RPS6KA3: variants seen among roughly 807,000 people sequenced by gnomAD.
RPS6KA3 encodes ribosomal protein S6 kinase alpha-3.
In RPS6KA3, 4 loss-of-function variants were observed where a neutral mutation model predicts 67.2. That is an observed-to-expected ratio of 0.06 (90% CI 0.03 to 0.14). The LOEUF (loss-of-function observed/expected upper bound fraction) is 0.14, where lower values mean the gene tolerates loss of function less well. Ranked by LOEUF, RPS6KA3 falls within the 10% of genes least tolerant of loss-of-function variation. The pLI is 1.00. For missense variants in RPS6KA3, 204 were observed against 559.0 expected (o/e 0.36, Z 6.40); for synonymous variants, 182 against 183.7 (o/e 0.99, Z 0.07).
chrX:20,228,992 A>G (rs949453537), intron 2 of RPS6KA3, among the ~76,000 whole-genome samples: 1 of 112,011 alleles, frequency 8.9e-6, no homozygotes, highest in African/African-American at 3.2e-5. Context: ...GTAGCAGAGT[A>G]CTTGGCACCT....
intron 1 of RPS6KA3, among the ~76,000 whole-genome samples, chrX:20,238,951 A>G (rs2069484397): frequency 8.9e-6 from 1 of 111,808 alleles, no homozygotes; most frequent in African/African-American, 3.2e-5. Context: ...TACATGGATT[A>G]TGAGTCTTAC....
At chrX:20,254,928 T>C (rs909829349) in intron 1 of RPS6KA3, among the ~76,000 whole-genome samples, 1 of 112,149 alleles carries the variant, frequency 8.9e-6, no homozygotes, top group Non-Finnish European at 1.9e-5. Flanking sequence ...AGTTTGGCAG[T>C]ACCTCAAAAA....
chrX:20,168,170 T>C (rs1421197237), intron 16 of RPS6KA3, among the ~76,000 whole-genome samples: 1 of 112,109 alleles, frequency 8.9e-6, no homozygotes, highest in East Asian at 2.8e-4. Flanking sequence ...GAGTTCACAC[T>C]GTTTGCCAAC....
chrX:20,200,966 A>G (rs1257451334), intron 4 of RPS6KA3, among the ~76,000 whole-genome samples: 2 of 110,914 alleles, frequency 1.8e-5, no homozygotes, highest in Non-Finnish European at 3.8e-5. Context: ...TATAGGAATG[A>G]GCCACTATGC....
chrX:20,254,713 G>A (rs1224534649), intron 1 of RPS6KA3, among the ~76,000 whole-genome samples: 3 of 112,112 alleles, frequency 2.7e-5, no homozygotes, highest in Admixed American at 9.4e-5. Context: ...TTATGTATAC[G>A]AATGGACAAG....
chrX:20,233,105 C>T (rs374028915), intron 2 of RPS6KA3, among the ~76,000 whole-genome samples: 195 of 111,180 alleles, frequency 1.8e-3, no homozygotes, highest in South Asian at 7.4e-3. Flanking sequence ...CACTGCACTC[C>T]AGCCTGAGCA....
chrX:20,244,733 C>T (rs779402961), intron 1 of RPS6KA3, among the ~76,000 whole-genome samples: 4 of 112,412 alleles, frequency 3.6e-5, no homozygotes, highest in Non-Finnish European at 7.5e-5. Flanking sequence ...TCTAGCTATG[C>T]TCATTTTTCT....
chrX:20,230,943 G>T (rs190777169), intron 2 of RPS6KA3, among the ~76,000 whole-genome samples: 2 of 111,012 alleles, frequency 1.8e-5, no homozygotes, highest in East Asian at 5.6e-4. Context: ...AAATGCACAA[G>T]AACTGTATGT....
At chrX:20,205,994 G>A (rs1376729496) in intron 3 of RPS6KA3, among the ~76,000 whole-genome samples, 1 of 112,591 alleles carries the variant, frequency 8.9e-6, no homozygotes. Context: ...AGGGGGTTAA[G>A]TAATTTGCCC....
In RPS6KA3 at chrX:20,266,887, G is replaced by A; in HGVS notation, c.-255C>T. 3.7e-6 allele frequency: 2 copies of A among 534,682 alleles called. No individual in the cohort carries two copies. The highest frequency in any genetic ancestry group is 2.3e-6 in the Non-Finnish European group (1 of 439,303). The allele number at this position is 534,682 out of a possible 1,213,427, so 44.1% of individuals were successfully genotyped here. A position where few individuals can be genotyped will look rare whatever the true frequency, so the allele number is the denominator to read the frequency against. On this transcript the variant is annotated 5_prime_UTR_variant, in exon 1 of 22. Coordinates refer to ENST00000379565, the MANE Select transcript of RPS6KA3 (RefSeq NM_004586.3). ...GAGCGAGAGCCTCGCGCCTCCGCTG[G>A]GCACCGGGTCTCGCCCCTTTCTTCC...
chrX:20,169,341 A>G (rs1321961298), intron 16 of RPS6KA3, 61 bp downstream of exon 16: 8 of 743,627 alleles, frequency 1.1e-5, no homozygotes, highest in Non-Finnish European at 1.5e-5. Flanking sequence ...TTGAAAATAC[A>G]CTACTTTCAA....
At chrX:20,201,418 T>G (rs992666062) in intron 4 of RPS6KA3, among the ~76,000 whole-genome samples, 5 of 111,646 alleles carry the variant, frequency 4.5e-5, no homozygotes, top group Admixed American at 2.8e-4. Flanking sequence ...GGATTACAAG[T>G]GCGAGCCACT....
At chrX:20,214,191 G>C (rs970696205) in intron 2 of RPS6KA3, among the ~76,000 whole-genome samples, 7 of 111,151 alleles carry the variant, frequency 6.3e-5, no homozygotes, top group Non-Finnish European at 9.4e-5. Context: ...CTCCCATCGG[G>C]ATTGGTGGTT....
intron 15 of RPS6KA3, among the ~76,000 whole-genome samples, chrX:20,171,685 G>C (rs2148657032): frequency 9.0e-6 from 1 of 111,398 alleles, no homozygotes; most frequent in South Asian, 3.8e-4. Context: ...AGTCCTCAAG[G>C]TTTCTGTAAT....
chrX:20,251,422 G>A (rs961545507), intron 1 of RPS6KA3, among the ~76,000 whole-genome samples: 9 of 112,913 alleles, frequency 8.0e-5, no homozygotes, highest in South Asian at 3.6e-4. Flanking sequence ...GATTATAGGC[G>A]TAAGCCCCTC....
intron 7 of RPS6KA3, among the ~76,000 whole-genome samples, chrX:20,189,255 C>T (rs2068064911): frequency 8.9e-6 from 1 of 111,867 alleles, no homozygotes; most frequent in South Asian, 3.7e-4. Context: ...ACTGTGAGCT[C>T]CTAGAAGGTT....
intron 2 of RPS6KA3, among the ~76,000 whole-genome samples, chrX:20,223,140 T>A (rs1333009731): frequency 7.2e-5 from 8 of 111,800 alleles, no homozygotes; most frequent in Non-Finnish European, 1.1e-4. Context: ...CCGGGAAAAA[T>A]CCATTGTTTT....
At chrX:20,169,993 T>C (rs185364942) in intron 15 of RPS6KA3, among the ~76,000 whole-genome samples, 27 of 112,496 alleles carry the variant, frequency 2.4e-4, no homozygotes, top group Non-Finnish European at 4.7e-4. Flanking sequence ...GTAAGCTACT[T>C]ATAAAAGCTA....
At chrX:20,201,420 C>T (rs1383240190) in intron 4 of RPS6KA3, among the ~76,000 whole-genome samples, 3 of 111,569 alleles carry the variant, frequency 2.7e-5, no homozygotes, top group South Asian at 3.7e-4. Context: ...ATTACAAGTG[C>T]GAGCCACTGT....
Sources: allele counts gnomAD v4.1 joint callset (sites outside exome capture counted in the v4.1 genomes callset), GRCh38; gene constraint gnomAD v4.1.1; transcripts MANE v1.5; gene names NCBI Gene and HGNC (gene_info 2026-07-23, HGNC 2026-07-21).